BCAR3: variants seen among roughly 807,000 people sequenced by gnomAD.
The protein encoded by BCAR3 is BCAR3 adaptor protein, NSP family member.
In BCAR3, 37 loss-of-function variants were observed where a neutral mutation model predicts 80.1. The ratio of observed to expected loss-of-function variants is 0.46; its 90% CI spans 0.36 to 0.61. BCAR3 has a LOEUF of 0.61. BCAR3 is among the 20% of genes least tolerant of loss of function. The probability of loss-of-function intolerance (pLI) is 0.00; values close to 1 mark genes in which losing one functional copy is unlikely to be tolerated. For synonymous variants in BCAR3, 389 were observed against 418.9 expected, an observed-to-expected ratio of 0.93 and a Z score of 0.87; for missense variants, 978 against 1,068.2, an observed-to-expected ratio of 0.92 and a Z score of 1.18.
chr1:93,597,682 G>C (rs188887397), intron 3 of BCAR3, among the ~76,000 whole-genome samples: 2 of 152,330 alleles, frequency 1.3e-5, no homozygotes, highest in East Asian at 3.8e-4. Context: ...CTCATATCAG[G>C]ATGCTACTAA....
intron 2 of BCAR3, among the ~76,000 whole-genome samples, chr1:93,713,580 C>T (rs4847251): frequency 0.4 from 60,448 of 152,058 alleles, 13,387 homozygotes; most frequent in Non-Finnish European, 0.51. Flanking sequence ...AGCAAGAGTT[C>T]CTTGCTGCTA....
intron 1 of BCAR3, among the ~76,000 whole-genome samples, chr1:93,678,377 T>G (rs1648594593): frequency 6.6e-6 from 1 of 152,234 alleles, no homozygotes; most frequent in African/African-American, 2.4e-5. Flanking sequence ...GCTGGCACTA[T>G]GCTAGGTGTT....
chr1:93,633,659 C>T (rs1032705664), intron 3 of BCAR3, among the ~76,000 whole-genome samples: 2 of 152,120 alleles, frequency 1.3e-5, no homozygotes, highest in African/African-American at 4.8e-5. Context: ...TGTTTTGATA[C>T]ACTCTGGCTC....
intron 2 of BCAR3, among the ~76,000 whole-genome samples, chr1:93,652,153 C>T (rs916217472): frequency 2.0e-5 from 3 of 152,180 alleles, no homozygotes; most frequent in Non-Finnish European, 2.9e-5. Context: ...AGGCCTGCTA[C>T]GGGAGCCTTG....
intron 2 of BCAR3, among the ~76,000 whole-genome samples, chr1:93,829,262 A>G (rs1654477278): frequency 6.6e-6 from 1 of 152,084 alleles, no homozygotes; most frequent in Admixed American, 6.5e-5. Context: ...GTCTTTTATT[A>G]TGCAAATATG....
chr1:93,736,341 CT>C (rs1650970876), intron 2 of BCAR3, among the ~76,000 whole-genome samples: 1 of 152,238 alleles, frequency 6.6e-6, no homozygotes, highest in Admixed American at 6.5e-5. Flanking sequence ...GCGCGTGCCA[CT>C]GCACCCAGCT....
chr1:93,643,373 C>T (rs111275661), intron 2 of BCAR3, among the ~76,000 whole-genome samples: 185 of 150,354 alleles, frequency 1.2e-3, no homozygotes, highest in African/African-American at 4.1e-3. Flanking sequence ...ATACTAAAAA[C>T]ACAAAAAAAA....
chr1:93,790,614 CTT>C (rs781591266), intron 2 of BCAR3, among the ~76,000 whole-genome samples: 31 of 90,392 alleles, frequency 3.4e-4, no homozygotes, highest in Non-Finnish European at 6.3e-4. Context: ...CACTTATAGT[CTT>C]TTTTTTTTTT....
intron 3 of BCAR3, chr1:93,614,069 T>G (rs1570970626): frequency 2.1e-6 from 3 of 1,437,148 alleles, no homozygotes; most frequent in Middle Eastern, 2.5e-4. Flanking sequence ...GCCGGGGGAG[T>G]GAGTCGGCTC....
Position 93,705,597 on chromosome 1 carries a change from G to A in BCAR3, c.-12+495C>T, listed in dbSNP as rs184373639. Among the ~76,000 whole-genome samples the A allele has an allele frequency of 1.2e-4, 18 of 152,296 alleles. No homozygotes were observed. The East Asian group carries it at 3.3e-3, about 28-fold the overall frequency. ...CTCCAGCCACTGCTCCCTTCTCAGG[G>A]TCTGTTTGGGATACAAGTCAAGGTC... On this transcript the variant is annotated intron_variant, in intron 3 of 13. Coordinates refer to the BCAR3 transcript ENST00000370244.
At chr1:93,572,620 A>G (rs1304119330) in intron 8 of BCAR3, among the ~76,000 whole-genome samples, 1 of 152,234 alleles carries the variant, frequency 6.6e-6, no homozygotes, top group Non-Finnish European at 1.5e-5. Flanking sequence ...GGCAGAAAGC[A>G]TAGACTGTGA....
chr1:93,644,059 T>C (rs1676078400), intron 2 of BCAR3, among the ~76,000 whole-genome samples: 1 of 152,222 alleles, frequency 6.6e-6, no homozygotes, highest in African/African-American at 2.4e-5. Context: ...GACTCTGGCA[T>C]AACATGTGAC....
chr1:93,661,904 T>C (rs1388546370), intron 2 of BCAR3, among the ~76,000 whole-genome samples: 4 of 152,252 alleles, frequency 2.6e-5, no homozygotes, highest in Admixed American at 1.3e-4. Context: ...TCTTAAAACA[T>C]ACCCATTGAT....
intron 2 of BCAR3, among the ~76,000 whole-genome samples, chr1:93,663,777 T>C (rs1449716346): frequency 1.3e-5 from 2 of 152,222 alleles, no homozygotes; most frequent in East Asian, 1.9e-4. Context: ...CCCTGGCTCC[T>C]CATTACCACA....
chr1:93,778,489 T>G (rs760363971), intron 2 of BCAR3, among the ~76,000 whole-genome samples: 4 of 152,164 alleles, frequency 2.6e-5, no homozygotes, highest in Non-Finnish European at 4.4e-5. Context: ...ACCAATATTA[T>G]TACCAGCAAT....
chr1:93,706,289 G>A (rs1464326905), intron 2 of BCAR3: 2 of 152,130 alleles, frequency 1.3e-5, no homozygotes, highest in Admixed American at 1.3e-4. Flanking sequence ...AGCCCCTCCT[G>A]GAGTCACCTT....
At position 93,821,086 on chromosome 1, in the gene BCAR3, C is replaced by A. The variant is rs559166469; in HGVS notation, c.-63+24481G>T. ...TCTGTGCTAGGAACTGGGGCAGAGA[C>A]CAAATGTATTTTTCTTATTTTGTCA... On this transcript the variant is annotated intron_variant, in intron 2 of 13. Coordinates refer to the BCAR3 transcript ENST00000370244. Among the ~76,000 whole-genome samples, 140 of 152,204 alleles carry A rather than the reference C, an allele frequency of 9.2e-4. 3 individuals are homozygous for A. Among genetic ancestry groups the A allele is most frequent in the African/African-American group, 3.3e-3 (135 of 41,522 alleles).
At chr1:93,832,212 C>T (rs538392513) in intron 2 of BCAR3, among the ~76,000 whole-genome samples, 1 of 152,312 alleles carries the variant, frequency 6.6e-6, no homozygotes, top group East Asian at 1.9e-4. Context: ...TTCTGAGTTG[C>T]AATTCCTTGC....
At chr1:93,804,455 G>A (rs1367632402) in intron 2 of BCAR3, among the ~76,000 whole-genome samples, 1 of 152,186 alleles carries the variant, frequency 6.6e-6, no homozygotes, top group Non-Finnish European at 1.5e-5. Context: ...TTTGGGGGCA[G>A]TATTAAGTAA....
Sources: gnomAD v4.1 joint callset for allele counts (sites outside exome capture counted in the v4.1 genomes callset) on GRCh38, gnomAD v4.1.1 for gene constraint, MANE v1.5 for transcripts, NCBI Gene and HGNC (gene_info 2026-07-23, HGNC 2026-07-21) for gene names.